The following CELSR1 variants were observed in gnomAD, a reference collection of about 807,000 sequenced individuals.
CELSR1 encodes adhesion G protein-coupled receptor C1.
Under a neutral mutation model 249.1 loss-of-function variants are expected in CELSR1, and 110 were observed. That is an observed-to-expected ratio of 0.44 (90% CI 0.38 to 0.52). The LOEUF (loss-of-function observed/expected upper bound fraction) is 0.52. CELSR1 is among the 20% of genes least tolerant of loss of function. The pLI is 0.00. For missense variants in CELSR1, 4,109 were observed against 4,296.4 expected, an observed-to-expected ratio of 0.96 and a Z score of 1.22; for synonymous variants, 2,113 against 1,900.0, an observed-to-expected ratio of 1.11 and a Z score of -2.92.
chr22:46,536,844 C>T lies in CELSR1; in HGVS notation c.327G>A (p.Thr109=), dbSNP rs754281350. The T allele has an allele frequency of 1.6e-6, 2 of 1,229,528 alleles. No homozygotes were observed. The highest frequency in any genetic ancestry group is 1.0e-6 in the Non-Finnish European group (1 of 982,278). The allele number at this position is 1,229,528 out of a possible 1,614,324, so 76.2% of individuals were successfully genotyped here. The change falls in exon 1 of 35, where the codon ACG becomes ACA. Residue 109 remains threonine, a synonymous_variant. Transcript: ENST00000674500. ...CACGGGCTCCGCAGCCGGGAAGGTG[C>T]GTGCGCGCCCGCAGGCGGCGGCTCA... The part of the protein sequence containing the change: ...TALSRRLRAR[T]HLPGCGARAR...
At chr22:46,377,295 G>T (rs1043308148) in intron 23 of CELSR1, 34 bp from the exon 24 acceptor site, 1 of 1,604,952 alleles carries the variant, frequency 6.2e-7, no homozygotes, top group Non-Finnish European at 8.5e-7. Flanking sequence ...AGGAGAGAAG[G>T]TAAGGGCCGA....
At chr22:46,377,518 G>A (rs1020779866) in intron 23 of CELSR1, 32 of 521,338 alleles carry the variant, frequency 6.1e-5, no homozygotes, top group East Asian at 6.0e-4. Flanking sequence ...CTTGGGGGCC[G>A]TTCAGAGACC....
chr22:46,410,855 G>A lies in CELSR1; in HGVS notation c.4770-294C>T, dbSNP rs1004421410. 1.1e-4 allele frequency among the ~76,000 whole-genome samples: 16 copies of A among 151,898 alleles called. No individual in the cohort carries two copies. Among genetic ancestry groups the A allele is most frequent in the African/African-American group, 3.6e-4 (15 of 41,338 alleles). The stretch of plus-strand genomic sequence containing the variant: ...CACCGAGACAGGATGTGAGCGCAGG[G>A]AGCACAGGTCAAGGCCAGCAGGGAC... On this transcript the variant is annotated intron_variant, in intron 6 of 34. Transcript: ENST00000674500. This position sits in a 1 kb window ranked among gnomAD's most constrained non-coding sequence, Gnocchi z 6.8.
chr22:46,369,620 C>A, intron 26 of CELSR1, 72 bp downstream of exon 26: 1 of 1,437,692 alleles, frequency 7.0e-7, no homozygotes. Flanking sequence ...GTGGCCCCAG[C>A]CAACCCAGAA....
Position 46,446,456 on chromosome 22 carries a change from C to G in CELSR1, c.4184-7045G>C, listed in dbSNP as rs903946189. On this transcript the variant is annotated intron_variant, in intron 2 of 34. Transcript: ENST00000674500. This position sits in a 1 kb window ranked among gnomAD's most constrained non-coding sequence, Gnocchi z 5.5. ...ATCCAGCCCTGCTTGTGCGATGGTT[C>G]CCCCGTGTGTTTCTCTCCCCAGCTC... Among the ~76,000 whole-genome samples the G allele has an allele frequency of 1.3e-5, 2 of 152,162 alleles. No homozygotes were observed. The highest frequency in any genetic ancestry group is 4.8e-5 in the African/African-American group (2 of 41,430).
Position 46,408,599 on chromosome 22 carries a change from T to C in CELSR1, c.5226+397A>G, listed in dbSNP as rs1220896241. Reference sequence around the variant, plus strand: ...ATCCGCCGGCCTCCGCCACCCAAAGTGTTGGGATTACAGGCATGAGCCACC... The same window carrying C: ...ATCCGCCGGCCTCCGCCACCCAAAGCGTTGGGATTACAGGCATGAGCCACC... On this transcript the variant is annotated intron_variant, in intron 9 of 34. Transcript: ENST00000674500. This position sits in a 1 kb window ranked among gnomAD's most constrained non-coding sequence, Gnocchi z 4.6. 6.6e-6 allele frequency among the ~76,000 whole-genome samples: 1 copy of C among 152,134 alleles called. No homozygotes were observed. Among genetic ancestry groups the C allele is most frequent in the Non-Finnish European group, 1.5e-5 (1 of 68,014 alleles).
intron 26 of CELSR1, 89 bp downstream of exon 26, chr22:46,369,600 AGAG>A: frequency 6.7e-6 from 8 of 1,192,492 alleles, no homozygotes; most frequent in Non-Finnish European, 9.8e-6. Flanking sequence ...TCGGCTGCTC[AGAG>A]GAGTTGGTGG....
intron 18 of CELSR1, among the ~76,000 whole-genome samples, chr22:46,387,022 T>C (rs1392772508): frequency 1.3e-5 from 2 of 152,126 alleles, no homozygotes; most frequent in East Asian, 3.9e-4. Context: ...CCTCCCAAAG[T>C]GCTGGGATTA....
intron 1 of CELSR1, among the ~76,000 whole-genome samples, chr22:46,465,023 C>T (rs1352134439): frequency 6.6e-6 from 1 of 152,208 alleles, no homozygotes; most frequent in East Asian, 1.9e-4. Context: ...CAGCAGTAAA[C>T]ACATCATCAA....
chr22:46,364,571 T>TC lies in CELSR1; in HGVS notation c.8719dup (p.Asp2907GlyfsTer12), dbSNP rs751828682. On this transcript the variant is annotated frameshift_variant, in exon 33 of 35. Coordinates refer to ENST00000674500, the MANE Select transcript of CELSR1 (RefSeq NM_001378328.1). LOFTEE classifies it high-confidence loss of function. ...CCTGGCTGCGCCCCCGCTCTCCTGG[T>TC]CCGGGGGGTACTCTCCACGGTGACT... is the stretch of plus-strand genomic sequence containing the variant. 1 of 1,612,518 alleles carries TC rather than the reference T, an allele frequency of 6.2e-7. No homozygotes were observed.
In CELSR1 at chr22:46,487,006, C is replaced by T. The variant is rs117589126; in HGVS notation, c.3545-22661G>A. On this transcript the variant is annotated intron_variant, in intron 1 of 34. Transcript: ENST00000674500. ...TTACTGAGCACCTACTGTGTGTCTG[C>T]TCCCGCCCCCTGCCCCCTCCACTTC... Among the ~76,000 whole-genome samples the T allele has an allele frequency of 4.7e-5, 7 of 150,100 alleles. No individual in the cohort carries two copies. The East Asian group carries it at 9.8e-4, about 21-fold the overall frequency.
chr22:46,420,510 CCA>C (rs769152618), intron 5 of CELSR1, among the ~76,000 whole-genome samples: 34 of 152,332 alleles, frequency 2.2e-4, no homozygotes, highest in Non-Finnish European at 3.8e-4. Flanking sequence ...GTGGACACAC[CCA>C]CTCACATCAT....
chr22:46,369,940 G>A (rs1164889468), intron 25 of CELSR1, 136 bp from the exon 26 acceptor site: 1 of 754,060 alleles, frequency 1.3e-6, no homozygotes, highest in Non-Finnish European at 2.3e-6. Context: ...GGAGTCCAGG[G>A]AGCCAGCCCA....
chr22:46,386,494 A>T lies in CELSR1; in HGVS notation c.6647T>A (p.Leu2216Gln). 6.2e-7 allele frequency: 1 copy of T among 1,600,220 alleles called. No homozygotes were observed. Among genetic ancestry groups the T allele is most frequent in the Non-Finnish European group, 8.5e-7 (1 of 1,174,166 alleles). ...GAAGTAGCCCTCGAGGCGCCGGAGC[A>T]GCTGTGCCGTGCCGCCCTCGCTCCG... ...IQRSEGGTAQ[L>Q]LRRLEGYFSN... is the part of the protein sequence containing the mutation. The change falls in exon 19 of 35, where the codon CTG (leucine) becomes CAG (glutamine). Residue 2216 changes from leucine to glutamine, a missense_variant. Physicochemically the swap from Leu to Gln is moderately radical, Grantham distance 113. Around this residue, in one of 7 missense-constraint regions of CELSR1, gnomAD observed 1,805 missense variants for 1,831.6 expected, o/e 0.99. Coordinates refer to ENST00000674500, the MANE Select transcript of CELSR1 (RefSeq NM_001378328.1).
chr22:46,521,107 T>C lies in CELSR1; in HGVS notation c.3544+12520A>G, dbSNP rs186469839. ...TTCCATCATGCAACTGAACCACATG[T>C]TGCTTATCCATTCGTCTGTTCACAG... On this transcript the variant is annotated intron_variant, in intron 1 of 34. Transcript: ENST00000674500. Among the ~76,000 whole-genome samples, 365 of 152,354 alleles carry C rather than the reference T, an allele frequency of 2.4e-3. 2 individuals carry two copies. Among genetic ancestry groups the C allele is most frequent in the African/African-American group, 8.4e-3 (351 of 41,588 alleles).
intron 5 of CELSR1, among the ~76,000 whole-genome samples, chr22:46,432,635 A>C (rs888167868): frequency 2.6e-5 from 4 of 152,226 alleles, no homozygotes; most frequent in Non-Finnish European, 5.9e-5. Context: ...GAACAGCAAA[A>C]TAAAGTGAAA....
At chr22:46,505,862 A>G (rs2064262) in intron 1 of CELSR1, among the ~76,000 whole-genome samples, 79,418 of 151,870 alleles carry the variant, frequency 0.52, 21,435 homozygotes, top group East Asian at 0.85. Context: ...AATCTATTCT[A>G]CCCATCCTTG....
rs2079558931 is a variant in CELSR1 at position 46,428,367 on chromosome 22, G to A, written c.4611+5026C>T. ...TGGCGATCGCGACCAGCACAGCATC[G>A]TCCCCGGCCAGGTGACGGATGCCGA... On this transcript the variant is annotated intron_variant, in intron 5 of 34. Coordinates refer to ENST00000674500, the MANE Select transcript of CELSR1 (RefSeq NM_001378328.1). The surrounding 1 kb of genome is among the most constrained non-coding windows in gnomAD (Gnocchi z 5.7). Among the ~76,000 whole-genome samples, 1 of 152,172 alleles carries A rather than the reference G, an allele frequency of 6.6e-6. No homozygotes were observed. The highest frequency in any genetic ancestry group is 1.9e-4 in the East Asian group (1 of 5,194).
At chr22:46,462,643 T>G in intron 2 of CELSR1, 1 of 159,314 alleles carries the variant, frequency 6.3e-6, no homozygotes, top group Non-Finnish European at 1.2e-5. Context: ...CCAGAGAGCT[T>G]TCAAAAAAAA....
Sources: allele counts gnomAD v4.1 joint callset (sites outside exome capture counted in the v4.1 genomes callset), GRCh38; gene constraint gnomAD v4.1.1; regional missense constraint gnomAD v4.1.1; non-coding constraint Gnocchi (gnomAD v3.1); transcripts MANE v1.5; gene names NCBI Gene and HGNC (gene_info 2026-07-23, HGNC 2026-07-21).